The following AGBL1 variants were observed in gnomAD, a reference collection of about 807,000 sequenced individuals.
AGBL1 encodes AGBL carboxypeptidase 1, also known as cytosolic carboxypeptidase 4.
Under a neutral mutation model 118.9 loss-of-function variants are expected in AGBL1, and 130 were observed. That is an observed-to-expected ratio of 1.09 (90% CI 0.95 to 1.26). The LOEUF (loss-of-function observed/expected upper bound fraction) is 1.26, where lower values mean the gene tolerates loss of function less well. Ranked by LOEUF, AGBL1 falls within the 50% of genes most tolerant of loss-of-function variation. The pLI is 0.00. For missense variants in AGBL1, 1,584 were observed against 1,298.1 expected (o/e 1.22, Z -3.38); for synonymous variants, 555 against 478.9 (o/e 1.16, Z -2.08).
chr15:86,937,821 C>A (rs1221207923), intron 23 of AGBL1, among the ~76,000 whole-genome samples: 1 of 152,200 alleles, frequency 6.6e-6, no homozygotes, highest in Admixed American at 6.5e-5. Flanking sequence ...ACAAAAGTTT[C>A]TTTCAACCTG....
chr15:86,641,944 A>G (rs1379274162), intron 21 of AGBL1, among the ~76,000 whole-genome samples: 1 of 152,128 alleles, frequency 6.6e-6, no homozygotes, highest in Non-Finnish European at 1.5e-5. Context: ...TCAGACTGTG[A>G]AAGGACTTCA....
chr15:86,579,525 C>T (rs1021370628), intron 21 of AGBL1, among the ~76,000 whole-genome samples: 4 of 152,042 alleles, frequency 2.6e-5, no homozygotes, highest in Non-Finnish European at 5.9e-5. Context: ...AAATGTGTTC[C>T]ATGCAAAAAT....
At chr15:86,313,970 G>A (rs969392253) in intron 17 of AGBL1, among the ~76,000 whole-genome samples, 4 of 152,180 alleles carry the variant, frequency 2.6e-5, no homozygotes, top group African/African-American at 9.7e-5. Context: ...CCACACACAA[G>A]TTAGATGATG....
chr15:86,990,029 C>T (rs1596714084), intron 24 of AGBL1, among the ~76,000 whole-genome samples: 1 of 152,212 alleles, frequency 6.6e-6, no homozygotes, highest in Middle Eastern at 3.4e-3. Flanking sequence ...TCTTGGGGGC[C>T]ATGGCCAGAA....
At chr15:86,645,989 G>T (rs183624710) in intron 21 of AGBL1, among the ~76,000 whole-genome samples, 1 of 152,080 alleles carries the variant, frequency 6.6e-6, no homozygotes, top group Non-Finnish European at 1.5e-5. Context: ...CATTGTTTTC[G>T]GCTTGAGTCG....
At chr15:86,340,693 T>C (rs922981175) in intron 17 of AGBL1, among the ~76,000 whole-genome samples, 1 of 152,186 alleles carries the variant, frequency 6.6e-6, no homozygotes, top group African/African-American at 2.4e-5. Context: ...TAATTTGTTA[T>C]GGTAGTCCTA....
chr15:87,029,166 C>A (rs2570125), downstream of AGBL1: 1 of 217,616 alleles, frequency 4.6e-6, no homozygotes, highest in African/African-American at 2.3e-5. Context: ...CATAGATAGT[C>A]TTCTACTCAA....
At chr15:86,177,620 A>G (rs2141777385) in intron 5 of AGBL1, among the ~76,000 whole-genome samples, 3 of 152,366 alleles carry the variant, frequency 2.0e-5, no homozygotes, top group Admixed American at 2.0e-4. Context: ...AGGAAATTAA[A>G]TTATCAACAA....
intron 22 of AGBL1, among the ~76,000 whole-genome samples, chr15:86,695,048 T>C (rs2142620218): frequency 6.6e-6 from 1 of 152,118 alleles, no homozygotes; most frequent in South Asian, 2.1e-4. Flanking sequence ...TATTGGTCTG[T>C]AGTTTTCTTT....
chr15:86,143,358 A>G (rs2141651474), intron 2 of AGBL1, among the ~76,000 whole-genome samples: 1 of 152,320 alleles, frequency 6.6e-6, no homozygotes, highest in East Asian at 1.9e-4. Flanking sequence ...TTCTAAGTAT[A>G]TGATTATTCA....
At chr15:86,449,191 TAAC>T (rs2082162964) in intron 18 of AGBL1, among the ~76,000 whole-genome samples, 1 of 152,074 alleles carries the variant, frequency 6.6e-6, no homozygotes, top group African/African-American at 2.4e-5. Flanking sequence ...GCAATGGTAA[TAAC>T]AACAAAACAA....
intron 23 of AGBL1, among the ~76,000 whole-genome samples, chr15:86,953,753 A>C (rs1182611754): frequency 3.9e-5 from 6 of 152,090 alleles, no homozygotes; most frequent in Non-Finnish European, 1.5e-5. Flanking sequence ...AATGCTACTG[A>C]TTTTTGTACA....
intron 21 of AGBL1, among the ~76,000 whole-genome samples, chr15:86,652,492 A>G (rs1309823537): frequency 2.6e-5 from 4 of 152,166 alleles, no homozygotes; most frequent in Non-Finnish European, 5.9e-5. Context: ...AAGGATCAAT[A>G]TTAACACACC....
At position 86,419,842 on chromosome 15, in the gene AGBL1, C is replaced by T. The variant is rs953931181; in HGVS notation, c.2555+22296C>T. On this transcript the variant is annotated intron_variant, in intron 18 of 22. Coordinates refer to ENST00000614907, the MANE Select transcript of AGBL1 (RefSeq NM_001386094.1). ...TTTCCCCTCACAGTGTAAACAAAGC[C>T]GCCCAGAAGTTAGGACTGGGCAGAG... 5.9e-5 allele frequency among the ~76,000 whole-genome samples: 9 copies of T among 152,250 alleles called. No individual in the cohort carries two copies. The South Asian group carries it at 6.2e-4, about 11-fold the overall frequency.
At chr15:86,095,646 CCTTT>C (rs371439487) in intron 1 of AGBL1, among the ~76,000 whole-genome samples, 66,118 of 116,288 alleles carry the variant, frequency 0.57, 21,728 homozygotes, top group Middle Eastern at 0.74. Flanking sequence ...ACCTTGGATA[CCTTT>C]TTTTTTTTTT....
chr15:86,126,877 A>G (rs1898467704), intron 1 of AGBL1, among the ~76,000 whole-genome samples: 1 of 152,184 alleles, frequency 6.6e-6, no homozygotes, highest in South Asian at 2.1e-4. Flanking sequence ...TCCTGGATAT[A>G]TTTGGTGGGA....
intron 5 of AGBL1, among the ~76,000 whole-genome samples, chr15:86,201,329 G>A (rs1249278512): frequency 6.6e-6 from 1 of 152,150 alleles, no homozygotes; most frequent in Non-Finnish European, 1.5e-5. Flanking sequence ...GTTTCTTGCA[G>A]TTTCATATTT....
At chr15:86,779,073 A>C (rs2078296762) in intron 22 of AGBL1, among the ~76,000 whole-genome samples, 1 of 152,210 alleles carries the variant, frequency 6.6e-6, no homozygotes, top group Non-Finnish European at 1.5e-5. Flanking sequence ...TATTATGCAC[A>C]TCCCAGAAGT....
chr15:87,003,459 C>A (rs984758668), intron 24 of AGBL1, among the ~76,000 whole-genome samples: 1 of 152,000 alleles, frequency 6.6e-6, no homozygotes, highest in African/African-American at 2.4e-5. Flanking sequence ...GTGTCTCTGC[C>A]AGGCTTTGGT....
Sources: allele counts gnomAD v4.1 joint callset (sites outside exome capture counted in the v4.1 genomes callset), GRCh38; gene constraint gnomAD v4.1.1; transcripts MANE v1.5; gene names NCBI Gene and HGNC (gene_info 2026-07-23, HGNC 2026-07-21).